Variants in XPR1 observed in about 807,000 individuals in gnomAD.
XPR1 encodes the protein xenotropic and polytropic retrovirus receptor 1.
A neutral mutation model predicts 87.5 loss-of-function variants in XPR1; 28 were observed. That is an observed-to-expected ratio of 0.32 (90% CI 0.24 to 0.44). The LOEUF (loss-of-function observed/expected upper bound fraction) is 0.44. XPR1 is among the 20% of genes least tolerant of loss of function. The probability of loss-of-function intolerance (pLI) is 1.00; values close to 1 mark genes in which losing one functional copy is unlikely to be tolerated. For synonymous variants in XPR1, 300 were observed against 306.1 expected (o/e 0.98, Z 0.21); for missense variants, 559 against 862.3 (o/e 0.65, Z 4.41).
intron 2 of XPR1, among the ~76,000 whole-genome samples, chr1:180,698,060 T>C (rs1043523623): frequency 2.6e-5 from 4 of 152,168 alleles, no homozygotes; most frequent in Non-Finnish European, 2.9e-5. Flanking sequence ...CAACTATTAG[T>C]GTATTGGAAT....
intron 2 of XPR1, among the ~76,000 whole-genome samples, chr1:180,786,593 G>C (rs998040580): frequency 2.0e-5 from 3 of 152,098 alleles, no homozygotes; most frequent in Non-Finnish European, 4.4e-5. Flanking sequence ...TCTACATATG[G>C]GATTCAGTAG....
chr1:180,714,919 G>A (rs974777143), intron 2 of XPR1, among the ~76,000 whole-genome samples: 2 of 151,998 alleles, frequency 1.3e-5, no homozygotes, highest in Admixed American at 1.3e-4. Flanking sequence ...TTTATTAGCT[G>A]GAAAGAATAG....
chr1:180,872,932 G>A (rs1652549634), intron 12 of XPR1, among the ~76,000 whole-genome samples: 1 of 151,472 alleles, frequency 6.6e-6, no homozygotes, highest in Non-Finnish European at 1.5e-5. Flanking sequence ...GGTCTCTAGG[G>A]ATGGAAAGAG....
chr1:180,766,062 C>T (rs58688129), intron 2 of XPR1, among the ~76,000 whole-genome samples: 2,550 of 152,110 alleles, frequency 0.017, 79 homozygotes, highest in African/African-American at 0.056. Flanking sequence ...TAAAGTAGAA[C>T]TTAACTTTTC....
chr1:180,704,839 T>C (rs1445021992), intron 2 of XPR1, among the ~76,000 whole-genome samples: 1 of 145,490 alleles, frequency 6.9e-6, no homozygotes, highest in African/African-American at 2.5e-5. Context: ...TTTTTTTTTT[T>C]AAGTAATAAT....
chr1:180,754,988 G>A (rs1050198579), intron 2 of XPR1, among the ~76,000 whole-genome samples: 2 of 152,212 alleles, frequency 1.3e-5, no homozygotes, highest in African/African-American at 4.8e-5. Flanking sequence ...AGAATTGATC[G>A]AATAAGGAAA....
intron 2 of XPR1, among the ~76,000 whole-genome samples, chr1:180,754,890 G>A (rs970976111): frequency 1.3e-5 from 2 of 152,054 alleles, no homozygotes; most frequent in East Asian, 1.9e-4. Context: ...TCCGAAAGCC[G>A]AGCACATGGT....
rs559176788 is a variant in XPR1, at chr1:180,735,868, A to G, written c.122-51885A>G. Among the ~76,000 whole-genome samples the G allele has an allele frequency of 1.7e-4, 26 of 152,268 alleles. No homozygotes were observed. The South Asian group carries it at 5.4e-3, about 32-fold the overall frequency. ...TTACATGAATCTCTTTTATATTATT[A>G]CTGAGATGGATGGTCACATATCCTT... On this transcript the variant is annotated intron_variant, in intron 2 of 14. Coordinates refer to ENST00000367590, the MANE Select transcript of XPR1 (RefSeq NM_004736.4).
At chr1:180,712,462 G>A (rs1657832191) in intron 2 of XPR1, among the ~76,000 whole-genome samples, 1 of 152,294 alleles carries the variant, frequency 6.6e-6, no homozygotes, top group South Asian at 2.1e-4. Flanking sequence ...GTTGACAATG[G>A]TAACCGAAAC....
Position 180,666,408 on chromosome 1 carries a change from T to C in XPR1, c.70-15952T>C, listed in dbSNP as rs147039311. 2.9e-3 allele frequency among the ~76,000 whole-genome samples: 443 copies of C among 152,358 alleles called. 3 individuals are homozygous for C. Among genetic ancestry groups the C allele is most frequent in the African/African-American group, 9.6e-3 (401 of 41,586 alleles). On this transcript the variant is annotated intron_variant, in intron 1 of 14. Coordinates refer to ENST00000367590, the MANE Select transcript of XPR1 (RefSeq NM_004736.4). ...GACATCTTAACAATATTGAGTCTTA[T>C]AATACACATGAACGTAGGATGTGTT... is the stretch of plus-strand genomic sequence containing the variant.
At chr1:180,836,922 C>T (rs1452373312) in intron 11 of XPR1, among the ~76,000 whole-genome samples, 2 of 152,138 alleles carry the variant, frequency 1.3e-5, no homozygotes, top group Admixed American at 6.6e-5. Context: ...AAAAGAAGCA[C>T]AGTCACCCAG....
At chr1:180,780,290 G>A (rs1027254459) in intron 2 of XPR1, among the ~76,000 whole-genome samples, 1 of 152,016 alleles carries the variant, frequency 6.6e-6, no homozygotes, top group Admixed American at 6.6e-5. Flanking sequence ...GATATATGAG[G>A]GTTCTAATTT....
At chr1:180,679,680 G>A (rs1456527649) in intron 1 of XPR1, among the ~76,000 whole-genome samples, 1 of 152,174 alleles carries the variant, frequency 6.6e-6, no homozygotes, top group Non-Finnish European at 1.5e-5. Context: ...AAATATGGTT[G>A]TTAGCTAATC....
chr1:180,825,081 GT>G, intron 8 of XPR1, 83 bp from the exon 9 acceptor site: 1 of 1,508,572 alleles, frequency 6.6e-7, no homozygotes, highest in Non-Finnish European at 8.9e-7. Context: ...TCTTACTTTT[GT>G]TTTATTAAAG....
intron 2 of XPR1, among the ~76,000 whole-genome samples, chr1:180,711,025 C>G (rs151274748): frequency 1.4e-3 from 186 of 130,934 alleles, no homozygotes; most frequent in Middle Eastern, 0.011. Flanking sequence ...GGGTGGCTGC[C>G]GGGCGGAGGG....
intron 2 of XPR1, among the ~76,000 whole-genome samples, chr1:180,730,829 A>T (rs1301059003): frequency 5.3e-5 from 8 of 149,584 alleles, no homozygotes; most frequent in African/African-American, 1.7e-4. Context: ...TGCCCAGCTA[A>T]TTTTTTTTTT....
intron 11 of XPR1, among the ~76,000 whole-genome samples, chr1:180,851,341 T>C (rs1370877293): frequency 6.6e-6 from 1 of 152,192 alleles, no homozygotes; most frequent in Non-Finnish European, 1.5e-5. Context: ...TTGCTTTTTC[T>C]ACTGGAGGTG....
intron 2 of XPR1, among the ~76,000 whole-genome samples, chr1:180,745,392 G>A (rs1208443213): frequency 2.6e-5 from 4 of 152,186 alleles, no homozygotes; most frequent in Admixed American, 6.5e-5. Flanking sequence ...AAGAGAGTCC[G>A]AGAACGAGAG....
At chr1:180,776,045 A>T (rs1190965612) in intron 2 of XPR1, among the ~76,000 whole-genome samples, 5 of 152,182 alleles carry the variant, frequency 3.3e-5, no homozygotes, top group Admixed American at 3.3e-4. Flanking sequence ...TGGATCCCAA[A>T]CAAAGGAATT....
Sources: gnomAD v4.1 joint callset for allele counts (sites outside exome capture counted in the v4.1 genomes callset) on GRCh38, gnomAD v4.1.1 for gene constraint, MANE v1.5 for transcripts, NCBI Gene and HGNC (gene_info 2026-07-23, HGNC 2026-07-21) for gene names.